ADAMTSL1: variants seen among roughly 807,000 people sequenced by gnomAD.
ADAMTSL1 encodes ADAMTS-like protein 1.
ADAMTSL1 carries 126 observed loss-of-function variants against 201.8 expected under a neutral mutation model. That is an observed-to-expected ratio of 0.62 (90% CI 0.54 to 0.72). The LOEUF (loss-of-function observed/expected upper bound fraction) is 0.72. Among genes scored for constraint, ADAMTSL1 ranks in the 30% least tolerant of loss-of-function variants. The probability of loss-of-function intolerance (pLI) is 0.00; values close to 1 mark genes in which losing one functional copy is unlikely to be tolerated. For missense variants in ADAMTSL1, 2,679 were observed against 2,277.8 expected (o/e 1.18, Z -3.59); for synonymous variants, 1,121 against 903.4 (o/e 1.24, Z -4.32).
At chr9:17,966,112 C>T (rs1007926293) in intron 1 of ADAMTSL1, among the ~76,000 whole-genome samples, 2 of 152,060 alleles carry the variant, frequency 1.3e-5, no homozygotes, top group African/African-American at 4.8e-5. Flanking sequence ...TGAGGCCCAC[C>T]AGGAGCTTCT....
intron 19 of ADAMTSL1, among the ~76,000 whole-genome samples, chr9:18,787,463 A>G (rs1352525034): frequency 6.6e-6 from 1 of 152,176 alleles, no homozygotes; most frequent in East Asian, 1.9e-4. Context: ...TCCCCCTAGC[A>G]GTTAGTTTAC....
rs377753716 is a variant in ADAMTSL1, at chr9:18,215,420, A to G, written c.207+51439A>G. ...TAAAAATGAAGACAAGAAATATTGTATTTTATGAAGTAAACATATTTATGA... is the reference window on the plus strand; with the variant it reads ...TAAAAATGAAGACAAGAAATATTGTGTTTTATGAAGTAAACATATTTATGA... On this transcript the variant is annotated intron_variant, in intron 2 of 29. Transcript: ENST00000680146. 1.1e-4 allele frequency among the ~76,000 whole-genome samples: 16 copies of G among 152,324 alleles called. No individual in the cohort carries two copies. The South Asian group carries it at 1.2e-3, about 12-fold the overall frequency.
intron 2 of ADAMTSL1, among the ~76,000 whole-genome samples, chr9:18,285,386 G>T (rs1832953894): frequency 6.6e-6 from 1 of 152,076 alleles, no homozygotes. Context: ...CAATATGAGA[G>T]ATAAGAGAGT....
chr9:18,756,684 A>G (rs1819793329), intron 16 of ADAMTSL1, among the ~76,000 whole-genome samples: 1 of 152,194 alleles, frequency 6.6e-6, no homozygotes, highest in Admixed American at 6.5e-5. Flanking sequence ...CAATCCTTCA[A>G]CACCCAACCT....
chr9:18,856,600 G>A (rs1826867530), intron 23 of ADAMTSL1, among the ~76,000 whole-genome samples: 1 of 151,304 alleles, frequency 6.6e-6, no homozygotes. Flanking sequence ...AGTAGCTGGG[G>A]TTACAGGCTT....
At chr9:18,588,860 C>T (rs138105545) in intron 4 of ADAMTSL1, among the ~76,000 whole-genome samples, 35 of 92,598 alleles carry the variant, frequency 3.8e-4, no homozygotes, top group African/African-American at 1.4e-3. Flanking sequence ...GTTACTATAG[C>T]TTTGTGCCAT....
intron 1 of ADAMTSL1, among the ~76,000 whole-genome samples, chr9:18,028,423 A>G (rs1820791584): frequency 6.6e-6 from 1 of 152,122 alleles, no homozygotes; most frequent in South Asian, 2.1e-4. Flanking sequence ...TTCTTTTCTT[A>G]GAGAATGCTG....
chr9:18,027,357 A>T (rs556158374), intron 1 of ADAMTSL1, among the ~76,000 whole-genome samples: 22 of 151,940 alleles, frequency 1.4e-4, no homozygotes, highest in South Asian at 1.0e-3. Flanking sequence ...TTAGAACTAT[A>T]AACTTTCATC....
intron 3 of ADAMTSL1, among the ~76,000 whole-genome samples, chr9:18,568,243 G>A (rs181505868): frequency 2.0e-4 from 31 of 151,900 alleles, no homozygotes; most frequent in Admixed American, 5.3e-4. Context: ...GGATTTTATC[G>A]ATGGATATTT....
At chr9:18,748,465 G>C (rs1203171773) in intron 15 of ADAMTSL1, among the ~76,000 whole-genome samples, 1 of 152,116 alleles carries the variant, frequency 6.6e-6, no homozygotes, top group Non-Finnish European at 1.5e-5. Context: ...ATCTTGCTGT[G>C]GTAAAATGTA....
chr9:18,814,699 C>T (rs1366917905), intron 20 of ADAMTSL1, among the ~76,000 whole-genome samples: 2 of 152,076 alleles, frequency 1.3e-5, no homozygotes, highest in South Asian at 2.1e-4. Flanking sequence ...CACGTGGACA[C>T]AGAGGGAAAC....
chr9:18,623,384 G>A (rs1489166469), intron 5 of ADAMTSL1, among the ~76,000 whole-genome samples: 2 of 152,212 alleles, frequency 1.3e-5, no homozygotes, highest in Non-Finnish European at 2.9e-5. Context: ...AGCTTAGCCA[G>A]ATTATGGGAC....
intron 13 of ADAMTSL1, among the ~76,000 whole-genome samples, chr9:18,695,277 GC>G (rs1831484912): frequency 6.6e-6 from 1 of 152,212 alleles, no homozygotes; most frequent in Admixed American, 6.5e-5. Context: ...TCTCTGAAAT[GC>G]CTTCAAGGGC....
intron 20 of ADAMTSL1, among the ~76,000 whole-genome samples, chr9:18,811,940 G>T (rs966108861): frequency 6.6e-6 from 1 of 152,054 alleles, no homozygotes; most frequent in Admixed American, 6.5e-5. Flanking sequence ...TCTGATGAAA[G>T]AAATTAAAGA....
intron 1 of ADAMTSL1, among the ~76,000 whole-genome samples, chr9:17,939,683 C>T (rs1329951968): frequency 2.0e-5 from 3 of 151,978 alleles, no homozygotes; most frequent in Non-Finnish European, 4.4e-5. Flanking sequence ...TTCATTCATT[C>T]ATTTACTTAG....
intron 2 of ADAMTSL1, among the ~76,000 whole-genome samples, chr9:18,335,453 A>G (rs1280357968): frequency 2.0e-5 from 3 of 152,100 alleles, no homozygotes; most frequent in Admixed American, 6.6e-5. Context: ...GGGAGGCAAT[A>G]TATCACAAAA....
At chr9:18,272,030 T>A (rs2132583331) in intron 2 of ADAMTSL1, among the ~76,000 whole-genome samples, 1 of 151,302 alleles carries the variant, frequency 6.6e-6, no homozygotes, top group East Asian at 1.9e-4. Flanking sequence ...GTTGTTTGTT[T>A]TTTTCTTGTA....
At chr9:18,771,946 C>G (rs750109421) in intron 17 of ADAMTSL1, among the ~76,000 whole-genome samples, 1 of 152,130 alleles carries the variant, frequency 6.6e-6, no homozygotes, top group South Asian at 2.1e-4. Context: ...ACTTACATTA[C>G]GACAGGTTTT....
chr9:18,630,210 A>T (rs1826665885), intron 5 of ADAMTSL1, among the ~76,000 whole-genome samples: 1 of 152,172 alleles, frequency 6.6e-6, no homozygotes. Flanking sequence ...GTACCCTTTT[A>T]CTGAGGCGGG....
Sources: gnomAD v4.1 joint callset for allele counts (sites outside exome capture counted in the v4.1 genomes callset) on GRCh38, gnomAD v4.1.1 for gene constraint, MANE v1.5 for transcripts, NCBI Gene and HGNC (gene_info 2026-07-23, HGNC 2026-07-21) for gene names.